The following IFT81 variants were observed in gnomAD, a reference collection of about 807,000 sequenced individuals.
The protein encoded by IFT81 is intraflagellar transport 81, also known as intraflagellar transport protein 81 homolog.
A neutral mutation model predicts 102.6 loss-of-function variants in IFT81; 72 were observed. That is an observed-to-expected ratio of 0.70 (90% CI 0.58 to 0.85). IFT81 has a LOEUF of 0.85. Among genes scored for constraint, IFT81 ranks in the 40% least tolerant of loss-of-function variants. The pLI is 0.00. For synonymous variants in IFT81, 237 were observed against 242.7 expected (o/e 0.98, Z 0.22); for missense variants, 723 against 787.3 (o/e 0.92, Z 0.98).
chr12:110,177,642 T>A (rs1897095468), intron 11 of IFT81, among the ~76,000 whole-genome samples: 1 of 152,216 alleles, frequency 6.6e-6, no homozygotes, highest in South Asian at 2.1e-4. Context: ...ATTGGAAGTT[T>A]ATTTTAACGT....
chr12:110,182,951 C>T (rs767938718), intron 12 of IFT81, among the ~76,000 whole-genome samples: 31 of 152,154 alleles, frequency 2.0e-4, no homozygotes, highest in Non-Finnish European at 3.8e-4. Flanking sequence ...TCATGGGCAT[C>T]GGTTTAAGGT....
intron 14 of IFT81, among the ~76,000 whole-genome samples, chr12:110,196,730 T>G (rs1158583296): frequency 1.3e-5 from 2 of 152,218 alleles, no homozygotes; most frequent in Non-Finnish European, 2.9e-5. Flanking sequence ...TTTTATGTTC[T>G]GTCTTTATTT....
intron 14 of IFT81, among the ~76,000 whole-genome samples, chr12:110,198,112 T>C (rs1250385232): frequency 2.0e-5 from 3 of 152,228 alleles, no homozygotes; most frequent in Admixed American, 6.5e-5. Context: ...GATTTACCTA[T>C]ATATTTAGCA....
chr12:110,150,445 T>C (rs1297455020), intron 10 of IFT81, among the ~76,000 whole-genome samples: 1 of 152,196 alleles, frequency 6.6e-6, no homozygotes, highest in Non-Finnish European at 1.5e-5. Context: ...TCTTTCTCTT[T>C]CTTTTTCATA....
Position 110,195,874 on chromosome 12 carries a change from T to C in IFT81, c.1557+3168T>C, listed in dbSNP as rs540230052. 5.9e-5 allele frequency among the ~76,000 whole-genome samples: 9 copies of C among 152,184 alleles called. No individual in the cohort carries two copies. The South Asian group carries it at 1.9e-3, about 32-fold the overall frequency. On this transcript the variant is annotated intron_variant, in intron 14 of 18. Transcript: ENST00000242591. The stretch of plus-strand genomic sequence containing the variant: ...AGATCATGCTTTCTTTCCTTGAGGA[T>C]TTTTTTTAAGTGTAGCTCGACAATC...
At chr12:110,183,605 T>C (rs1897397781) in intron 12 of IFT81, among the ~76,000 whole-genome samples, 1 of 152,214 alleles carries the variant, frequency 6.6e-6, no homozygotes, top group Admixed American at 6.5e-5. Flanking sequence ...TTCCACTTGG[T>C]TGTTCAGTGC....
At chr12:110,153,126 T>C (rs1311366833) in intron 10 of IFT81, among the ~76,000 whole-genome samples, 1 of 152,244 alleles carries the variant, frequency 6.6e-6, no homozygotes, top group Non-Finnish European at 1.5e-5. Flanking sequence ...CTTCTAACAG[T>C]CTTATGCTGT....
At chr12:110,181,186 A>G (rs556253812) in intron 12 of IFT81, among the ~76,000 whole-genome samples, 1 of 152,278 alleles carries the variant, frequency 6.6e-6, no homozygotes, top group African/African-American at 2.4e-5. Flanking sequence ...TGGAATTTCA[A>G]CCAGTTGTGT....
chr12:110,138,433 ATTT>A (rs1226824135), intron 8 of IFT81, among the ~76,000 whole-genome samples: 3 of 142,338 alleles, frequency 2.1e-5, no homozygotes, highest in Admixed American at 7.1e-5. Context: ...GAGGTTAATC[ATTT>A]TTTTTTTTTT....
At chr12:110,138,241 A>G (rs1894630074) in intron 8 of IFT81, among the ~76,000 whole-genome samples, 1 of 152,232 alleles carries the variant, frequency 6.6e-6, no homozygotes, top group Non-Finnish European at 1.5e-5. Context: ...TTCACAGCCT[A>G]GGAAAAGGGT....
intron 4 of IFT81, 103 bp downstream of exon 4, chr12:110,129,233 A>G: frequency 1.2e-6 from 1 of 832,574 alleles, no homozygotes; most frequent in African/African-American, 1.8e-5. Flanking sequence ...TGTAGTTCCA[A>G]GTGGCACAAG....
At chr12:110,139,336 C>CA (rs398044810) in intron 8 of IFT81, among the ~76,000 whole-genome samples, 8,683 of 51,788 alleles carry the variant, frequency 0.17, 527 homozygotes, top group Non-Finnish European at 0.2. Context: ...GACTCTGTCT[C>CA]AAAAAAAAAA....
chr12:110,156,527 C>T (rs1401458299), intron 10 of IFT81, among the ~76,000 whole-genome samples: 2 of 151,102 alleles, frequency 1.3e-5, no homozygotes, highest in Non-Finnish European at 2.9e-5. Context: ...GATGGAGTCT[C>T]ACTTCATCGC....
rs781677879 is a variant in IFT81 at position 110,132,535 on chromosome 12, T to G, written c.430-12T>G. 7.5e-6 allele frequency: 9 copies of G among 1,201,472 alleles called. 1 individual carries two copies. In the South Asian group the frequency reaches 1.1e-4, roughly 15 times the overall value. 74.4% of individuals were successfully genotyped at this position (1,201,472 alleles called of 1,614,324 possible). A position where few individuals can be genotyped will look rare whatever the true frequency, so the allele number is the denominator to read the frequency against. On this transcript the variant is annotated splice_polypyrimidine_tract_variant and intron_variant, in intron 4 of 18. Transcript: ENST00000242591. Reference sequence around the variant, plus strand: ...AGTTATTAGTTTATAATTTCTTAACTTATTCTTCTAGTATGAAGAGTTAAT... The same window carrying G: ...AGTTATTAGTTTATAATTTCTTAACGTATTCTTCTAGTATGAAGAGTTAAT...
At chr12:110,151,555 A>C (rs1038085330) in intron 10 of IFT81, among the ~76,000 whole-genome samples, 8 of 152,186 alleles carry the variant, frequency 5.3e-5, no homozygotes, top group African/African-American at 1.9e-4. Flanking sequence ...GACAAATACA[A>C]ATTGTTTATA....
chr12:110,183,563 G>A (rs1045546754), intron 12 of IFT81, among the ~76,000 whole-genome samples: 1 of 152,222 alleles, frequency 6.6e-6, no homozygotes, highest in African/African-American at 2.4e-5. Context: ...CAATGTCAGA[G>A]GCTGGCTGAC....
chr12:110,210,939 T>C (rs1200462686), intron 18 of IFT81, among the ~76,000 whole-genome samples: 2 of 148,362 alleles, frequency 1.3e-5, no homozygotes, highest in Non-Finnish European at 1.5e-5. Flanking sequence ...ACTGCAGCCT[T>C]GGCCTCCCCA....
At chr12:110,166,516 A>C (rs764039211) in intron 11 of IFT81, among the ~76,000 whole-genome samples, 9 of 152,014 alleles carry the variant, frequency 5.9e-5, no homozygotes, top group Non-Finnish European at 1.0e-4. Context: ...AAAAATGGTA[A>C]AAGTGGTAAA....
At chr12:110,132,259 T>G (rs1403878828) in intron 4 of IFT81, among the ~76,000 whole-genome samples, 1 of 152,014 alleles carries the variant, frequency 6.6e-6, no homozygotes, top group Non-Finnish European at 1.5e-5. Context: ...GGTCAGGAGT[T>G]CGAGACCAGC....
Sources: gnomAD v4.1 joint callset for allele counts (sites outside exome capture counted in the v4.1 genomes callset) on GRCh38, gnomAD v4.1.1 for gene constraint, MANE v1.5 for transcripts, NCBI Gene and HGNC (gene_info 2026-07-23, HGNC 2026-07-21) for gene names.